Variants in PAGR1 observed in about 807,000 individuals in gnomAD.
The protein encoded by PAGR1 is PAXIP1-associated glutamate-rich protein 1.
PAGR1 carries 20 observed loss-of-function variants against 22.4 expected under a neutral mutation model. The ratio of observed to expected loss-of-function variants is 0.89; its 90% CI spans 0.63 to 1.30. PAGR1 has a LOEUF of 1.30. Ranked by LOEUF, PAGR1 falls within the 50% of genes most tolerant of loss-of-function variation. The pLI is 0.00. For synonymous variants in PAGR1, 161 were observed against 148.3 expected, an observed-to-expected ratio of 1.09 and a Z score of -0.62; for missense variants, 338 against 343.6, an observed-to-expected ratio of 0.98 and a Z score of 0.13.
Position 29,816,661 on chromosome 16 carries a change from G to A in PAGR1, c.136G>A (p.Ala46Thr). 1.3e-6 allele frequency: 2 copies of A among 1,579,360 alleles called. No individual in the cohort carries two copies. The highest frequency in any genetic ancestry group is 2.3e-5 in the East Asian group (1 of 44,152). The change falls in exon 1 of 3, where the codon GCC becomes ACC. Residue 46 changes from alanine (A) to threonine (T), a missense_variant. Ala to Thr is a moderately conservative substitution (Grantham distance 58). This residue lies in a region of PAGR1 where 235 missense variants were observed against 216.0 expected (regional missense o/e 1.09). Transcript: ENST00000320330. The part of the protein sequence containing the change: ...TGGPSASAGK[A>T]EDEGEGGREE... ...AGGCCCCTCTGCCTCGGCCGGTAAG[G>A]CCGAGGACGAGGGGGAAGGAGGCCG...
rs1232856096 is a variant in PAGR1 at position 29,816,237 on chromosome 16, C to T, written c.-289C>T. On this transcript the variant is annotated 5_prime_UTR_variant, in exon 1 of 3. Coordinates refer to ENST00000320330, the MANE Select transcript of PAGR1 (RefSeq NM_024516.4). ...CGTGTCCGGGTGTGGAGAGGGGCGT[C>T]GTGGAAGCGAGAAGAGTGGCCCGTC... is the stretch of plus-strand genomic sequence containing the variant. 2.5e-6 allele frequency: 1 copy of T among 403,610 alleles called. No individual in the cohort carries two copies. The highest frequency in any genetic ancestry group is 4.4e-6 in the Non-Finnish European group (1 of 228,544). The allele number at this position is 403,610 out of a possible 1,614,324, so 25.0% of individuals were successfully genotyped here.
chr16:29,819,766 C>G lies in PAGR1; in HGVS notation c.*12C>G. 1 of 1,603,718 alleles carries G rather than the reference C, an allele frequency of 6.2e-7. No homozygotes were observed. The stretch of plus-strand genomic sequence containing the variant: ...AGCGGAAATACTGATTCCCACTGCT[C>G]CTGCCTCTAGGGTGCAGTGTCCGTA... On this transcript the variant is annotated 3_prime_UTR_variant, in exon 3 of 3. Transcript: ENST00000320330.
In PAGR1 at chr16:29,819,761, C is replaced by A; in HGVS notation, c.*7C>A. On this transcript the variant is annotated 3_prime_UTR_variant, in exon 3 of 3. Transcript: ENST00000320330. ...TCGGCAGCGGAAATACTGATTCCCA[C>A]TGCTCCTGCCTCTAGGGTGCAGTGT... 1.2e-6 allele frequency: 2 copies of A among 1,604,294 alleles called. No individual in the cohort carries two copies. Among genetic ancestry groups the A allele is most frequent in the Non-Finnish European group, 1.7e-6 (2 of 1,172,824 alleles).
At chr16:29,817,157 T>A in intron 1 of PAGR1, 53 bp from the exon 2 acceptor site, 1 of 1,612,504 alleles carries the variant, frequency 6.2e-7, no homozygotes, top group Non-Finnish European at 8.5e-7. Context: ...GAAGCACACG[T>A]GTGGGTGGGA....
In PAGR1 at chr16:29,821,974, C is replaced by T. The variant is rs1239901363; in HGVS notation, c.*2220C>T. Among the ~76,000 whole-genome samples, 1 of 152,100 alleles carries T rather than the reference C, an allele frequency of 6.6e-6. No individual in the cohort carries two copies. Among genetic ancestry groups the T allele is most frequent in the Non-Finnish European group, 1.5e-5 (1 of 68,024 alleles). On this transcript the variant is annotated 3_prime_UTR_variant, in exon 3 of 3. Transcript: ENST00000320330. ...GATGCGGTGGCTCAGGCCTGTAATCCCAGTACTTTGGGAGGCCCGAATGGG... is the reference window on the plus strand; with the variant it reads ...GATGCGGTGGCTCAGGCCTGTAATCTCAGTACTTTGGGAGGCCCGAATGGG...
At chr16:29,817,033 C>T (rs370255554) in intron 1 of PAGR1, 26 bp downstream of exon 1, 33 of 1,554,588 alleles carry the variant, frequency 2.1e-5, no homozygotes, top group Non-Finnish European at 2.6e-5. Flanking sequence ...TACACCTTGT[C>T]CCGGGGCTGC....
At chr16:29,818,497 A>G (rs1383592185) in intron 2 of PAGR1, 1 of 152,200 alleles carries the variant, frequency 6.6e-6, no homozygotes, top group Non-Finnish European at 1.5e-5. Context: ...TAGTTGTAGT[A>G]GCTCCTAACT....
chr16:29,816,383 G>A lies in PAGR1; in HGVS notation c.-143G>A, dbSNP rs1008144129. On this transcript the variant is annotated 5_prime_UTR_variant, in exon 1 of 3. Transcript: ENST00000320330. ...TGGGGACTGAGCGCCCCCTCCCGGGGACGGGCGGTCTGGCCGCGGAGTCCC... is the reference window on the plus strand; with the variant it reads ...TGGGGACTGAGCGCCCCCTCCCGGGAACGGGCGGTCTGGCCGCGGAGTCCC... 44 of 854,032 alleles carry A rather than the reference G, an allele frequency of 5.2e-5. No individual in the cohort carries two copies. The highest frequency in any genetic ancestry group is 6.9e-5 in the Non-Finnish European group (43 of 621,136). 52.9% of individuals were successfully genotyped at this position (854,032 alleles called of 1,614,324 possible). A position where few individuals can be genotyped will look rare whatever the true frequency, so the allele number is the denominator to read the frequency against.
Position 29,816,773 on chromosome 16 carries a change from A to C in PAGR1, c.248A>C (p.Asp83Ala). 1 of 1,582,700 alleles carries C rather than the reference A, an allele frequency of 6.3e-7. No homozygotes were observed. The highest frequency in any genetic ancestry group is 2.3e-5 in the East Asian group (1 of 43,318). Residue 83 changes from aspartate (D) to alanine (A), a missense_variant, in exon 1 of 3, where the codon GAC (aspartate) becomes GCC (alanine). Physicochemically the swap from Asp to Ala is moderately radical, Grantham distance 126 (BLOSUM62 -2). Coordinates refer to ENST00000320330, the MANE Select transcript of PAGR1 (RefSeq NM_024516.4). Reference sequence around the variant, plus strand: ...GGGGGAGAAGAGCCTGCCGAGGAGGACTCCGAGGACTGGTGCGTGCCCTGC... The same window carrying C: ...GGGGGAGAAGAGCCTGCCGAGGAGGCCTCCGAGGACTGGTGCGTGCCCTGC... ...SAGGEEPAEE[D>A]SEDWCVPCSD...
Position 29,816,988 on chromosome 16 carries a change from AAAG to A in PAGR1, c.468_470del (p.Glu160del). 3 of 1,566,976 alleles carry A rather than the reference AAAG, an allele frequency of 1.9e-6. 1 individual carries two copies. The highest frequency in any genetic ancestry group is 2.3e-5 in the South Asian group (2 of 85,998). ...GAGATCCGATGAGGAGCCGGAGGCC[AAAG>A]AAGAGGAAGAGGAAAAGTAAAGGCA... On this transcript the variant is annotated inframe_deletion, in exon 1 of 3. Transcript: ENST00000320330.
At position 29,819,674 on chromosome 16, in the gene PAGR1, G is replaced by C; in HGVS notation, c.685G>C (p.Asp229His). Reference protein sequence around the residue: ...LRTGRDLFSLDSEDPSPASPP... With the variant: ...LRTGRDLFSLHSEDPSPASPP... ...TACCGGGAGGGACCTCTTCAGCCTGGACTCGGAGGACCCCAGCCCCGCCAG... is the reference window on the plus strand; with the variant it reads ...TACCGGGAGGGACCTCTTCAGCCTGCACTCGGAGGACCCCAGCCCCGCCAG... The change falls in exon 3 of 3, where the codon GAC becomes CAC. Residue 229 changes from aspartate to histidine, a missense_variant. Asp to His is a moderately conservative substitution (Grantham distance 81). This residue lies in a region of PAGR1 where 52 missense variants were observed against 44.5 expected (regional missense o/e 1.17). Transcript: ENST00000320330. 2.5e-6 allele frequency: 4 copies of C among 1,613,896 alleles called. No individual in the cohort carries two copies. Among genetic ancestry groups the C allele is most frequent in the Non-Finnish European group, 3.4e-6 (4 of 1,180,030 alleles).
Position 29,816,567 on chromosome 16 carries a change from G to T in PAGR1, c.42G>T (p.Thr14=). The T allele has an allele frequency of 6.6e-7, 1 of 1,512,160 alleles. No individual in the cohort carries two copies. The allele number at this position is 1,512,160 out of a possible 1,614,324, so 93.7% of individuals were successfully genotyped here. A position where few individuals can be genotyped will look rare whatever the true frequency, so the allele number is the denominator to read the frequency against. ...ARGHGDTAAS[T]AAPLSEEGEV... is the part of the protein sequence containing the mutation. ...GCCATGGAGACACTGCGGCCAGTACGGCGGCGCCTCTGTCTGAAGAAGGGG... is the reference window on the plus strand; with the variant it reads ...GCCATGGAGACACTGCGGCCAGTACTGCGGCGCCTCTGTCTGAAGAAGGGG... The change falls in exon 1 of 3, where the codon ACG becomes ACT. Residue 14 remains threonine (T), a synonymous_variant. Coordinates refer to ENST00000320330, the MANE Select transcript of PAGR1 (RefSeq NM_024516.4).
Position 29,819,812 on chromosome 16 carries a change from C to T in PAGR1, c.*58C>T. 1.3e-6 allele frequency: 2 copies of T among 1,522,556 alleles called. No homozygotes were observed. The highest frequency in any genetic ancestry group is 2.3e-4 in the Middle Eastern group (1 of 4,420). 94.3% of individuals were successfully genotyped at this position (1,522,556 alleles called of 1,614,324 possible). On this transcript the variant is annotated 3_prime_UTR_variant, in exon 3 of 3. Coordinates refer to ENST00000320330, the MANE Select transcript of PAGR1 (RefSeq NM_024516.4). ...CCGTACCTGCTGGAGCCTGGGCCCT[C>T]CTTCCCCAGCCCAGACATTGAGAAA...
Position 29,819,971 on chromosome 16 carries a change from C to T in PAGR1, c.*217C>T, listed in dbSNP as rs1900327872. 1.8e-6 allele frequency: 1 copy of T among 554,194 alleles called. No individual in the cohort carries two copies. Among genetic ancestry groups the T allele is most frequent in the South Asian group, 2.6e-5 (1 of 38,136 alleles). 34.3% of individuals were successfully genotyped at this position (554,194 alleles called of 1,614,324 possible). ...GTGTGTGTGTGTTTTCTATTGAACA[C>T]CTATAGAGAGAGTGTGTGTGTTTTC... On this transcript the variant is annotated 3_prime_UTR_variant, in exon 3 of 3. Coordinates refer to ENST00000320330, the MANE Select transcript of PAGR1 (RefSeq NM_024516.4).
Position 29,816,843 on chromosome 16 carries a change from GC to G in PAGR1, c.323del (p.Pro108ArgfsTer68). 1 of 1,561,154 alleles carries G rather than the reference GC, an allele frequency of 6.4e-7. No homozygotes were observed. The highest frequency in any genetic ancestry group is 1.2e-5 in the South Asian group (1 of 85,636). ...TGCCTGCGGATGGGCAGCCCTGGAT[GC>G]CCCCGCCCTCCGAAATCCAGCGGCT... ...ELPADGQPWM[P>X]PPSEIQRLYE... On this transcript the variant is annotated frameshift_variant, in exon 1 of 3. Transcript: ENST00000320330. LOFTEE classifies it high-confidence loss of function.
At chr16:29,817,468 CTTT>C (rs753890811) in intron 2 of PAGR1, among the ~76,000 whole-genome samples, 176 bp downstream of exon 2, 14 of 122,586 alleles carry the variant, frequency 1.1e-4, no homozygotes, top group Non-Finnish European at 1.3e-4. Context: ...CCTTGTCTTC[CTTT>C]TTTTTTTTTT....
At chr16:29,819,344 C>T (rs1900313863) in intron 2 of PAGR1, 3 of 598,200 alleles carry the variant, frequency 5.0e-6, no homozygotes, top group Non-Finnish European at 8.9e-6. Flanking sequence ...GTATGTTCCT[C>T]CCTGTTCTTC....
intron 2 of PAGR1, 127 bp from the exon 3 acceptor site, chr16:29,819,428 G>T (rs1207033151): frequency 1.1e-6 from 1 of 913,478 alleles, no homozygotes; most frequent in Non-Finnish European, 1.7e-6. Flanking sequence ...TGAACCTCAG[G>T]TCCTCCAAGA....
At chr16:29,819,029 T>A (rs186177931) in intron 2 of PAGR1, among the ~76,000 whole-genome samples, 1 of 152,090 alleles carries the variant, frequency 6.6e-6, no homozygotes, top group Admixed American at 6.6e-5. Flanking sequence ...GGAGTGTAGC[T>A]GTGTCACCGA....
Sources: allele counts gnomAD v4.1 joint callset (sites outside exome capture counted in the v4.1 genomes callset), GRCh38; gene constraint gnomAD v4.1.1; regional missense constraint gnomAD v4.1.1; transcripts MANE v1.5; gene names NCBI Gene and HGNC (gene_info 2026-07-23, HGNC 2026-07-21).